The following SYNE2 variants were observed in gnomAD, a reference collection of about 807,000 sequenced individuals.
The protein encoded by SYNE2 is nesprin-2.
SYNE2 carries 431 observed loss-of-function variants against 856.3 expected under a neutral mutation model. The observed-to-expected ratio is 0.50, with a 90% CI of 0.47 to 0.55. The LOEUF is 0.55. Among genes scored for constraint, SYNE2 ranks in the 20% least tolerant of loss-of-function variants. The pLI is 0.00. For missense variants in SYNE2, 8,129 were observed against 8,023.2 expected (o/e 1.01, Z -0.50); for synonymous variants, 2,923 against 2,872.3 (o/e 1.02, Z -0.56).
chr14:63,938,914 A>G (rs2095864691), intron 2 of SYNE2, among the ~76,000 whole-genome samples: 1 of 152,082 alleles, frequency 6.6e-6, no homozygotes. Context: ...GAGAGACCTG[A>G]GAGTCTAGAG....
chr14:64,040,228 C>A (rs1289581438), intron 45 of SYNE2, among the ~76,000 whole-genome samples: 1 of 152,004 alleles, frequency 6.6e-6, no homozygotes, highest in Admixed American at 6.6e-5. Context: ...CAAAGGAACA[C>A]TCTACCACAA....
In SYNE2 at chr14:64,027,686, A is replaced by C; in HGVS notation, c.6607A>C (p.Lys2203Gln). Residue 2203 changes from lysine (K) to glutamine (Q), a missense_variant, in exon 43 of 116, where the codon AAA (lysine) becomes CAA (glutamine). By Grantham distance (53) the Lys-to-Gln change is moderately conservative. Coordinates refer to ENST00000555002, the MANE Select transcript of SYNE2 (RefSeq NM_182914.3). ...QDLTSLLKEL[K>Q]SQGNYLLECT... is the part of the protein sequence containing the mutation. ...TTTGACATCCTTGCTAAAGGAGTTA[A>C]AATCTCAGGGAAACTACCTCTTGGA... 1 of 1,614,170 alleles carries C rather than the reference A, an allele frequency of 6.2e-7. No homozygotes were observed. Among genetic ancestry groups the C allele is most frequent in the Non-Finnish European group, 8.5e-7 (1 of 1,180,008 alleles).
In SYNE2 at chr14:63,877,686, A is replaced by G. The variant is rs570343422; in HGVS notation, c.-52+24543A>G. ...CAGCAAGTGGAGCTTGATATTTAAC[A>G]GTGGAGTTGGGGATCAAAGCGGCGT... On this transcript the variant is annotated intron_variant, in intron 1 of 115. Coordinates refer to ENST00000555002, the MANE Select transcript of SYNE2 (RefSeq NM_182914.3). Among the ~76,000 whole-genome samples, 17 of 152,344 alleles carry G rather than the reference A, an allele frequency of 1.1e-4. No homozygotes were observed. The Middle Eastern group carries it at 0.024, about 213-fold the overall frequency.
intron 108 of SYNE2, among the ~76,000 whole-genome samples, chr14:64,217,203 C>T (rs2098670593): frequency 6.6e-6 from 1 of 152,186 alleles, no homozygotes; most frequent in Non-Finnish European, 1.5e-5. Flanking sequence ...GCTATTTCAC[C>T]TAGTAGTTGT....
intron 103 of SYNE2, among the ~76,000 whole-genome samples, 161 bp downstream of exon 103, chr14:64,210,285 C>A (rs1227483914): frequency 6.6e-6 from 1 of 152,232 alleles, no homozygotes; most frequent in African/African-American, 2.4e-5. Flanking sequence ...AAGCTGCCAA[C>A]GTTCGTTTTT....
Position 64,020,189 on chromosome 14 carries a change from T to C in SYNE2, c.5151+96T>C, listed in dbSNP as rs2096926109. Reference sequence around the variant, plus strand: ...GCCTGGGCGACAGAGCAAAACCCTGTCTCTAAAAGAAGAAAAAAACGGCCC... The same window carrying C: ...GCCTGGGCGACAGAGCAAAACCCTGCCTCTAAAAGAAGAAAAAAACGGCCC... On this transcript the variant is annotated intron_variant, in intron 35 of 115. Coordinates refer to ENST00000555002, the MANE Select transcript of SYNE2 (RefSeq NM_182914.3). 5 of 856,110 alleles carry C rather than the reference T, an allele frequency of 5.8e-6. No individual in the cohort carries two copies. In the Admixed American group the frequency reaches 1.1e-4, roughly 19 times the overall value. 53.0% of individuals were successfully genotyped at this position (856,110 alleles called of 1,614,324 possible).
chr14:64,132,470 C>G (rs1337506314), intron 77 of SYNE2, 32 bp downstream of exon 77: 1 of 1,613,512 alleles, frequency 6.2e-7, no homozygotes, highest in Non-Finnish European at 8.5e-7. Context: ...TGTACTGAAG[C>G]TGGGAATTGC....
At chr14:63,911,380 GTAT>G (rs923354534) in intron 2 of SYNE2, among the ~76,000 whole-genome samples, 11 of 152,168 alleles carry the variant, frequency 7.2e-5, no homozygotes, top group East Asian at 5.8e-4. Context: ...GCACTTGGTA[GTAT>G]TATTATTATT....
intron 1 of SYNE2, among the ~76,000 whole-genome samples, chr14:63,820,200 G>A (rs1489801604): frequency 6.6e-6 from 1 of 152,118 alleles, no homozygotes; most frequent in Non-Finnish European, 1.5e-5. Context: ...ATTCATGGAA[G>A]TCAAGATAAT....
chr14:63,953,824 AGTGGAGTCAT>A (rs1287008376), intron 7 of SYNE2, among the ~76,000 whole-genome samples: 1 of 152,150 alleles, frequency 6.6e-6, no homozygotes, highest in Admixed American at 6.5e-5. Flanking sequence ...ACCTCATATG[AGTGGAGTCAT>A]GTGGTATTTG....
Position 64,070,638 on chromosome 14 carries a change from G to C in SYNE2, c.10432-7G>C. On this transcript the variant is annotated splice_polypyrimidine_tract_variant and splice_region_variant and intron_variant, in intron 51 of 115. Coordinates refer to ENST00000555002, the MANE Select transcript of SYNE2 (RefSeq NM_182914.3). The stretch of plus-strand genomic sequence containing the variant: ...CTTATTTTAGTTCTTTTTGTTTTTT[G>C]AATTAGATTGAACGAGAGGCAATTA... The C allele has an allele frequency of 6.2e-7, 1 of 1,608,566 alleles. No individual in the cohort carries two copies. Among genetic ancestry groups the C allele is most frequent in the Non-Finnish European group, 8.5e-7 (1 of 1,177,488 alleles).
chr14:64,149,042 T>G lies in SYNE2; in HGVS notation c.15639+2819T>G, dbSNP rs186379317. Among the ~76,000 whole-genome samples the G allele has an allele frequency of 2.8e-4, 42 of 151,084 alleles. No homozygotes were observed. The South Asian group carries it at 5.3e-3, about 19-fold the overall frequency. ...CTAAAATGAGGCCAGGTGCAGTTGC[T>G]CACACCTGTAATCCCAGAAATTTGG... On this transcript the variant is annotated intron_variant, in intron 84 of 115. Transcript: ENST00000555002.
rs182087363 is a variant in SYNE2, at chr14:63,813,229, A to T, written c.-304-39272A>T. Among the ~76,000 whole-genome samples, 18 of 152,290 alleles carry T rather than the reference A, an allele frequency of 1.2e-4. No homozygotes were observed. In the East Asian group the frequency reaches 3.5e-3, roughly 29 times the overall value. ...AATCAAGCAAGTTTAATGAGACTAA[A>T]CTTATTTTGGAAAGAAATTAGTCTT... On this transcript the variant is annotated intron_variant, in intron 1 of 23. Coordinates refer to the SYNE2 transcript ENST00000674003.
At chr14:64,003,822 G>C (rs2096773791) in intron 30 of SYNE2, among the ~76,000 whole-genome samples, 1 of 152,226 alleles carries the variant, frequency 6.6e-6, no homozygotes, top group Non-Finnish European at 1.5e-5. Flanking sequence ...CTGAATTTAA[G>C]AGGCAATCTA....
chr14:63,777,140 G>C (rs1270729159), intron 1 of SYNE2, among the ~76,000 whole-genome samples: 1 of 152,148 alleles, frequency 6.6e-6, no homozygotes, highest in Non-Finnish European at 1.5e-5. Flanking sequence ...TCTAACAAAT[G>C]GGGAAAATCA....
chr14:63,869,850 T>TC (rs1168244603), intron 1 of SYNE2, among the ~76,000 whole-genome samples: 14 of 152,004 alleles, frequency 9.2e-5, no homozygotes, highest in Admixed American at 8.5e-4. Flanking sequence ...TCCCATACCT[T>TC]CTCCTCCTGT....
chr14:63,909,172 C>A lies in SYNE2; in HGVS notation c.24C>A (p.Pro8=). MASSPEL[P]TEDEQGSWGI... ...GAATGGCATCTAGTCCTGAGCTTCC[C>A]ACCGAAGATGAACAGGGTTCCTGGG... Residue 8 remains proline (P), a synonymous_variant, in exon 2 of 116, where the codon CCC becomes CCA. Transcript: ENST00000555002. 6.2e-7 allele frequency: 1 copy of A among 1,613,026 alleles called. No individual in the cohort carries two copies. Among genetic ancestry groups the A allele is most frequent in the Non-Finnish European group, 8.5e-7 (1 of 1,179,336 alleles).
chr14:64,136,289 C>CAAAAAAAAAAAA, intron 78 of SYNE2, among the ~76,000 whole-genome samples: 1 of 62,058 alleles, frequency 1.6e-5, no homozygotes, highest in Non-Finnish European at 3.5e-5. Context: ...GACTTCATCT[C>CAAAAAAAAAAAA]AAAAAAAAAA....
At chr14:64,167,778 C>A (rs972377442) in intron 92 of SYNE2, 139 bp downstream of exon 92, 5 of 1,146,020 alleles carry the variant, frequency 4.4e-6, no homozygotes, top group Non-Finnish European at 6.3e-6. Flanking sequence ...ATTCAGTTGT[C>A]AATTGGTCAT....
Sources: gnomAD v4.1 joint callset for allele counts (sites outside exome capture counted in the v4.1 genomes callset) on GRCh38, gnomAD v4.1.1 for gene constraint, MANE v1.5 for transcripts, NCBI Gene and HGNC (gene_info 2026-07-23, HGNC 2026-07-21) for gene names.